ERBB4: variants seen among roughly 807,000 people sequenced by gnomAD.
ERBB4 encodes receptor tyrosine-protein kinase erbB-4.
Under a neutral mutation model 158.0 loss-of-function variants are expected in ERBB4, and 42 were observed. That is an observed-to-expected ratio of 0.27 (90% CI 0.21 to 0.34). ERBB4 has a LOEUF of 0.34. Ranked by LOEUF, ERBB4 falls within the 10% of genes least tolerant of loss-of-function variation. ERBB4 has a pLI of 1.00. For missense variants in ERBB4, 1,333 were observed against 1,624.1 expected (o/e 0.82, Z 3.08); for synonymous variants, 583 against 558.7 (o/e 1.04, Z -0.61).
At chr2:211,748,186 T>C (rs1478573511) in intron 5 of ERBB4, among the ~76,000 whole-genome samples, 7 of 152,036 alleles carry the variant, frequency 4.6e-5, no homozygotes, top group Non-Finnish European at 1.5e-5. Context: ...ACATATAATC[T>C]ATACACTGCA....
chr2:212,194,343 A>G (rs2082361477), intron 1 of ERBB4, among the ~76,000 whole-genome samples: 1 of 149,698 alleles, frequency 6.7e-6, no homozygotes, highest in Admixed American at 6.7e-5. Context: ...TAACATAATC[A>G]TTTTTATTTT....
At chr2:212,275,650 C>G (rs897882510) in intron 1 of ERBB4, among the ~76,000 whole-genome samples, 1 of 151,742 alleles carries the variant, frequency 6.6e-6, no homozygotes, top group African/African-American at 2.4e-5. Flanking sequence ...TACCACCAGG[C>G]CTGCCTTACA....
At chr2:211,594,925 G>A (rs1470587296) in intron 19 of ERBB4, among the ~76,000 whole-genome samples, 1 of 152,186 alleles carries the variant, frequency 6.6e-6, no homozygotes, top group African/African-American at 2.4e-5. Context: ...TATAAAGGGT[G>A]TGGCAGTCGT....
intron 5 of ERBB4, among the ~76,000 whole-genome samples, chr2:211,734,157 C>T (rs995932277): frequency 1.3e-5 from 2 of 151,932 alleles, no homozygotes; most frequent in Non-Finnish European, 2.9e-5. Flanking sequence ...AAACAATGGA[C>T]AAATATCTGT....
chr2:212,486,503 T>C (rs568996666), intron 1 of ERBB4, among the ~76,000 whole-genome samples: 1 of 152,336 alleles, frequency 6.6e-6, no homozygotes, highest in Admixed American at 6.5e-5. Context: ...TAAGTTTTAA[T>C]TAAGTTTGCC....
intron 2 of ERBB4, among the ~76,000 whole-genome samples, chr2:212,124,345 C>T (rs1450170287): frequency 6.6e-6 from 1 of 151,588 alleles, no homozygotes; most frequent in Non-Finnish European, 1.5e-5. Context: ...TGTTAGTCTC[C>T]TTATGTGATA....
chr2:212,538,018 G>C (rs943998015), intron 1 of ERBB4, among the ~76,000 whole-genome samples: 2 of 152,138 alleles, frequency 1.3e-5, no homozygotes, highest in Non-Finnish European at 2.9e-5. Context: ...CTTCGGGCTC[G>C]GCTCGGGAGA....
intron 3 of ERBB4, among the ~76,000 whole-genome samples, chr2:211,874,274 T>G (rs1287374704): frequency 6.6e-6 from 1 of 152,202 alleles, no homozygotes; most frequent in Non-Finnish European, 1.5e-5. Context: ...CTAGTTCCTT[T>G]ATACTCAGCC....
At chr2:211,469,248 G>A (rs1304980140) in intron 20 of ERBB4, among the ~76,000 whole-genome samples, 4 of 152,092 alleles carry the variant, frequency 2.6e-5, no homozygotes, top group Admixed American at 6.6e-5. Context: ...TAGCTCAGAG[G>A]CCATATAGGC....
chr2:211,492,394 C>A (rs998946607), intron 20 of ERBB4, among the ~76,000 whole-genome samples: 62 of 152,192 alleles, frequency 4.1e-4, no homozygotes, highest in African/African-American at 1.4e-3. Flanking sequence ...TTTCATTTTC[C>A]TTATCTGTAA....
chr2:212,060,460 T>G lies in ERBB4; in HGVS notation c.234+64292A>C, dbSNP rs1177726352. Among the ~76,000 whole-genome samples the G allele has an allele frequency of 5.8e-4, 88 of 150,820 alleles. 1 individual carries two copies. The highest frequency in any genetic ancestry group is 9.0e-4 in the Non-Finnish European group (61 of 67,634). On this transcript the variant is annotated intron_variant, in intron 2 of 27. Coordinates refer to ENST00000342788, the MANE Select transcript of ERBB4 (RefSeq NM_005235.3). The stretch of plus-strand genomic sequence containing the variant: ...TTTGACCCAGCCATCCCATTACTGG[T>G]TATATACCCAAAGGATTATAAATCA...
intron 2 of ERBB4, among the ~76,000 whole-genome samples, chr2:211,958,769 C>T (rs1241053078): frequency 6.6e-6 from 1 of 152,018 alleles, no homozygotes; most frequent in African/African-American, 2.4e-5. Context: ...CATTCTCTTT[C>T]TAAGGTTTAT....
rs192346003 is a variant in ERBB4, at chr2:211,892,605, A to G, written c.421+54825T>C. Among the ~76,000 whole-genome samples, 5 of 145,648 alleles carry G rather than the reference A, an allele frequency of 3.4e-5. No homozygotes were observed. The East Asian group carries it at 5.8e-4, about 17-fold the overall frequency. On this transcript the variant is annotated intron_variant, in intron 3 of 27. Transcript: ENST00000342788. ...ATAAAGGGTATTCAAAATTAGGAAA[A>G]GAGGAAGTCAAATTGTCCCTGTTTG... is the stretch of plus-strand genomic sequence containing the variant.
At chr2:212,473,398 C>T (rs1689213039) in intron 1 of ERBB4, among the ~76,000 whole-genome samples, 1 of 151,960 alleles carries the variant, frequency 6.6e-6, no homozygotes, top group Non-Finnish European at 1.5e-5. Flanking sequence ...TAATACATCC[C>T]TAACTGCATT....
chr2:212,023,328 T>C (rs1395427631), intron 2 of ERBB4, among the ~76,000 whole-genome samples: 1 of 152,128 alleles, frequency 6.6e-6, no homozygotes, highest in Non-Finnish European at 1.5e-5. Context: ...TGCAATTCTG[T>C]GATCTGTCAT....
chr2:212,489,541 A>G (rs1484320153), intron 1 of ERBB4, among the ~76,000 whole-genome samples: 2 of 151,954 alleles, frequency 1.3e-5, no homozygotes, highest in Non-Finnish European at 1.5e-5. Context: ...GGATGTTTGT[A>G]TTTCTTTGGG....
chr2:211,748,340 TG>T (rs1451951423), intron 5 of ERBB4, among the ~76,000 whole-genome samples: 1 of 152,214 alleles, frequency 6.6e-6, no homozygotes, highest in Non-Finnish European at 1.5e-5. Flanking sequence ...ATAGAAAAGA[TG>T]GCAGAGACCT....
chr2:212,008,492 T>C (rs111565140), intron 2 of ERBB4, among the ~76,000 whole-genome samples: 2,826 of 152,186 alleles, frequency 0.019, 43 homozygotes, highest in Middle Eastern at 0.034. Context: ...TTAATGCACA[T>C]TTGTTGAATA....
At chr2:212,171,522 GCT>G (rs2081519085) in intron 1 of ERBB4, among the ~76,000 whole-genome samples, 1 of 152,028 alleles carries the variant, frequency 6.6e-6, no homozygotes, top group Non-Finnish European at 1.5e-5. Flanking sequence ...ATATGGTTTG[GCT>G]CTGGGCCCCA....
Sources: allele counts gnomAD v4.1 joint callset (sites outside exome capture counted in the v4.1 genomes callset), GRCh38; gene constraint gnomAD v4.1.1; transcripts MANE v1.5; gene names NCBI Gene and HGNC (gene_info 2026-07-23, HGNC 2026-07-21).